The following FGF7 variants were observed in gnomAD, a reference collection of about 807,000 sequenced individuals.
FGF7 encodes FGF-7.
A neutral mutation model predicts 20.5 loss-of-function variants in FGF7; 6 were observed. The observed-to-expected ratio is 0.29, with a 90% CI of 0.16 to 0.58. FGF7 has a LOEUF of 0.58. Ranked by LOEUF, FGF7 falls within the 20% of genes least tolerant of loss-of-function variation. FGF7 has a pLI of 0.90. For missense variants in FGF7, 144 were observed against 228.8 expected (o/e 0.63, Z 2.39); for synonymous variants, 64 against 74.7 (o/e 0.86, Z 0.74).
At chr15:49,483,604 AT>A (rs1297466922) in intron 3 of FGF7, among the ~76,000 whole-genome samples, 1 of 152,022 alleles carries the variant, frequency 6.6e-6, no homozygotes, top group African/African-American at 2.4e-5. Flanking sequence ...CAATTTGCAC[AT>A]TGCTGACATG....
chr15:49,483,502 C>T (rs1456240783), intron 3 of FGF7, among the ~76,000 whole-genome samples: 1 of 151,992 alleles, frequency 6.6e-6, no homozygotes, highest in Non-Finnish European at 1.5e-5. Flanking sequence ...TCTAAGGATC[C>T]TTCCAGCTCT....
intron 2 of FGF7, among the ~76,000 whole-genome samples, chr15:49,468,533 A>G (rs1405641946): frequency 6.6e-6 from 1 of 152,164 alleles, no homozygotes; most frequent in Non-Finnish European, 1.5e-5. Context: ...CAAGATTAGT[A>G]TTATCAACCA....
intron 2 of FGF7, among the ~76,000 whole-genome samples, chr15:49,467,283 C>A (rs1472283513): frequency 1.3e-5 from 2 of 152,106 alleles, no homozygotes; most frequent in African/African-American, 2.4e-5. Context: ...TCTATAACTT[C>A]TTTTTCTGAC....
At chr15:49,484,201 A>T (rs2056202414) in intron 3 of FGF7, 109 bp from the exon 4 acceptor site, 5 of 689,956 alleles carry the variant, frequency 7.2e-6, no homozygotes, top group Non-Finnish European at 7.2e-6. Context: ...GGGTTAAAAA[A>T]AGTTGTGTAT....
intron 2 of FGF7, among the ~76,000 whole-genome samples, chr15:49,430,119 T>C (rs2050465183): frequency 6.6e-6 from 1 of 151,932 alleles, no homozygotes; most frequent in Non-Finnish European, 1.5e-5. Flanking sequence ...TGACAAATCT[T>C]AGTGGCTCCA....
At chr15:49,474,321 G>A (rs893770994) in intron 2 of FGF7, among the ~76,000 whole-genome samples, 1 of 152,166 alleles carries the variant, frequency 6.6e-6, no homozygotes, top group African/African-American at 2.4e-5. Flanking sequence ...CATGATCAAT[G>A]TCTTCACCTC....
intron 2 of FGF7, among the ~76,000 whole-genome samples, chr15:49,475,270 G>A (rs1261053287): frequency 6.6e-6 from 1 of 152,170 alleles, no homozygotes; most frequent in Non-Finnish European, 1.5e-5. Context: ...GTTTATTCAT[G>A]AGTTTGAAGA....
chr15:49,455,795 A>G (rs564751125), intron 2 of FGF7, among the ~76,000 whole-genome samples: 1 of 152,264 alleles, frequency 6.6e-6, no homozygotes, highest in Admixed American at 6.5e-5. Context: ...GAAATTTTTC[A>G]GTTTGTCTCA....
chr15:49,483,562 C>T (rs1198907327), intron 3 of FGF7, among the ~76,000 whole-genome samples: 1 of 151,858 alleles, frequency 6.6e-6, no homozygotes, highest in Non-Finnish European at 1.5e-5. Context: ...TTCCATTTGC[C>T]AGTATTAAAG....
chr15:49,443,746 A>G (rs781721124), intron 2 of FGF7, among the ~76,000 whole-genome samples: 4 of 151,772 alleles, frequency 2.6e-5, no homozygotes, highest in Admixed American at 6.6e-5. Context: ...TGTCAGAACT[A>G]TAGTTGTTCC....
rs559835965 is a variant in FGF7 at position 49,484,559 on chromosome 15, T to C, written c.*55T>C. ...AGCAGGGAGATTTCTTTAAGTGGAC[T>C]GTTTTCTTTCTTCTCAAAATTTTCT... On this transcript the variant is annotated 3_prime_UTR_variant, in exon 4 of 4. Coordinates refer to ENST00000267843, the MANE Select transcript of FGF7 (RefSeq NM_002009.4). 2.0e-3 allele frequency: 1,778 copies of C among 908,632 alleles called. 3 individuals carry two copies. The highest frequency in any genetic ancestry group is 8.6e-3 in the Middle Eastern group (24 of 2,788). 56.3% of individuals were successfully genotyped at this position (908,632 alleles called of 1,614,324 possible).
chr15:49,465,150 G>A (rs1387551400), intron 2 of FGF7, among the ~76,000 whole-genome samples: 1 of 151,960 alleles, frequency 6.6e-6, no homozygotes, highest in African/African-American at 2.4e-5. Context: ...TATTTTTTGA[G>A]ATGGAGTCTC....
intron 2 of FGF7, among the ~76,000 whole-genome samples, chr15:49,426,028 T>C: frequency 6.6e-6 from 1 of 151,602 alleles, no homozygotes; most frequent in South Asian, 2.1e-4. Flanking sequence ...CAATATTATA[T>C]ATTATCATGG....
At chr15:49,465,310 T>C (rs534488859) in intron 2 of FGF7, among the ~76,000 whole-genome samples, 2 of 151,134 alleles carry the variant, frequency 1.3e-5, no homozygotes, top group Non-Finnish European at 3.0e-5. Flanking sequence ...TTTTCTTTTT[T>C]TTTTTTTTGG....
chr15:49,469,599 T>C (rs377722508), intron 2 of FGF7, among the ~76,000 whole-genome samples: 2 of 152,140 alleles, frequency 1.3e-5, no homozygotes, highest in Non-Finnish European at 2.9e-5. Flanking sequence ...CAATAAAGTA[T>C]TGAATTGAAA....
chr15:49,469,958 AAG>A (rs1455242899), intron 2 of FGF7, among the ~76,000 whole-genome samples: 1 of 152,176 alleles, frequency 6.6e-6, no homozygotes. Flanking sequence ...CAGTACAATT[AAG>A]AGTTTAATGA....
intron 1 of FGF7, 31 bp from the exon 2 acceptor site, chr15:49,424,001 C>T (rs1049147260): frequency 1.1e-5 from 3 of 284,584 alleles, no homozygotes; most frequent in African/African-American, 2.2e-5. Context: ...CTCTCCTCCC[C>T]TCCCTATTCT....
chr15:49,483,469 A>C (rs1420273337), intron 3 of FGF7, among the ~76,000 whole-genome samples: 1 of 152,084 alleles, frequency 6.6e-6, no homozygotes, highest in Non-Finnish European at 1.5e-5. Context: ...CTTCATCTGT[A>C]AAATGAGTTG....
At chr15:49,445,246 G>C (rs1002316796) in intron 2 of FGF7, among the ~76,000 whole-genome samples, 1 of 151,592 alleles carries the variant, frequency 6.6e-6, no homozygotes, top group Non-Finnish European at 1.5e-5. Flanking sequence ...GTACCCAATA[G>C]TTAAGTTTTC....
Sources: allele counts gnomAD v4.1 joint callset (sites outside exome capture counted in the v4.1 genomes callset), GRCh38; gene constraint gnomAD v4.1.1; transcripts MANE v1.5; gene names NCBI Gene and HGNC (gene_info 2026-07-23, HGNC 2026-07-21).